The following CTNNA3 variants were observed in gnomAD, a reference collection of about 807,000 sequenced individuals.
CTNNA3 encodes catenin alpha-3.
CTNNA3 carries 76 observed loss-of-function variants against 95.7 expected under a neutral mutation model. The ratio of observed to expected loss-of-function variants is 0.79; its 90% CI spans 0.66 to 0.96. The LOEUF (loss-of-function observed/expected upper bound fraction) is 0.96. CTNNA3 is among the 40% of genes least tolerant of loss of function. CTNNA3 has a pLI of 0.00. For synonymous variants in CTNNA3, 431 were observed against 374.4 expected, an observed-to-expected ratio of 1.15 and a Z score of -1.74; for missense variants, 1,191 against 1,089.8, an observed-to-expected ratio of 1.09 and a Z score of -1.31.
At chr10:65,970,489 T>C (rs563215555) in intron 16 of CTNNA3, among the ~76,000 whole-genome samples, 1 of 152,082 alleles carries the variant, frequency 6.6e-6, no homozygotes, top group Non-Finnish European at 1.5e-5. Context: ...GCAAGTTGGA[T>C]AGAATAACAA....
intron 11 of CTNNA3, among the ~76,000 whole-genome samples, chr10:66,412,334 T>C (rs1295729372): frequency 6.6e-6 from 1 of 151,890 alleles, no homozygotes; most frequent in East Asian, 1.9e-4. Flanking sequence ...AAAAGATCAT[T>C]AAAAATGAAG....
At chr10:66,439,122 G>A (rs1046885078) in intron 11 of CTNNA3, among the ~76,000 whole-genome samples, 5 of 152,184 alleles carry the variant, frequency 3.3e-5, no homozygotes, top group African/African-American at 4.8e-5. Context: ...GCTGAAGACC[G>A]GAGCTGTTCC....
At chr10:66,515,339 C>CTG (rs1800695544) in intron 11 of CTNNA3, among the ~76,000 whole-genome samples, 1 of 143,952 alleles carries the variant, frequency 6.9e-6, no homozygotes, top group African/African-American at 2.6e-5. Context: ...GTCTCTCTCT[C>CTG]TCTCTCTATA....
chr10:66,116,881 C>T (rs921105392), intron 13 of CTNNA3, among the ~76,000 whole-genome samples: 8 of 152,110 alleles, frequency 5.3e-5, no homozygotes, highest in South Asian at 2.1e-4. Context: ...CTGGTGAGAA[C>T]TCATTCACTA....
At chr10:66,434,295 T>G (rs1478794547) in intron 11 of CTNNA3, among the ~76,000 whole-genome samples, 1 of 152,156 alleles carries the variant, frequency 6.6e-6, no homozygotes, top group African/African-American at 2.4e-5. Flanking sequence ...GATTTTCTGT[T>G]TGTTTGTGTT....
At chr10:66,666,009 C>T (rs1303951313) in intron 9 of CTNNA3, among the ~76,000 whole-genome samples, 1 of 152,104 alleles carries the variant, frequency 6.6e-6, no homozygotes, top group African/African-American at 2.4e-5. Flanking sequence ...GTCACAGAAT[C>T]TTAGCTTTCT....
At chr10:66,610,779 T>C (rs1388408903) in intron 10 of CTNNA3, among the ~76,000 whole-genome samples, 2 of 152,122 alleles carry the variant, frequency 1.3e-5, no homozygotes, top group Non-Finnish European at 2.9e-5. Flanking sequence ...ATGCTGGATA[T>C]ATAGCCCCAA....
At chr10:66,669,533 C>T (rs1189082536) in intron 9 of CTNNA3, among the ~76,000 whole-genome samples, 1 of 151,438 alleles carries the variant, frequency 6.6e-6, no homozygotes, top group Non-Finnish European at 1.5e-5. Flanking sequence ...CAGAGCGAGA[C>T]TTTTGTCAAA....
chr10:66,304,699 C>T (rs2132238305), intron 12 of CTNNA3, among the ~76,000 whole-genome samples: 1 of 152,124 alleles, frequency 6.6e-6, no homozygotes, highest in South Asian at 2.1e-4. Context: ...CCGCCCACAC[C>T]ACTCACATAT....
At chr10:66,242,183 G>A (rs973067012) in intron 13 of CTNNA3, among the ~76,000 whole-genome samples, 25 of 151,936 alleles carry the variant, frequency 1.6e-4, no homozygotes, top group Admixed American at 6.6e-4. Flanking sequence ...CTTTGACCTT[G>A]GACTTAGCCT....
chr10:67,722,293 CA>C (rs1841183653), intron 1 of CTNNA3, among the ~76,000 whole-genome samples: 1 of 152,208 alleles, frequency 6.6e-6, no homozygotes, highest in Admixed American at 6.5e-5. Context: ...AGAGACAGAT[CA>C]AAGGGGTTAG....
chr10:67,445,607 G>A (rs748845986), intron 5 of CTNNA3, among the ~76,000 whole-genome samples: 5 of 152,066 alleles, frequency 3.3e-5, no homozygotes, highest in Admixed American at 6.6e-5. Context: ...CTGTTGTACC[G>A]GGGATTAGAT....
At chr10:66,409,755 ATAGT>A (rs1324875602) in intron 11 of CTNNA3, among the ~76,000 whole-genome samples, 1 of 152,220 alleles carries the variant, frequency 6.6e-6, no homozygotes, top group East Asian at 1.9e-4. Context: ...TATAGTTTTA[ATAGT>A]TAGGTCAACA....
intron 10 of CTNNA3, among the ~76,000 whole-genome samples, chr10:66,610,959 G>C (rs1280543771): frequency 6.6e-6 from 1 of 152,012 alleles, no homozygotes; most frequent in Non-Finnish European, 1.5e-5. Context: ...ACATACAATG[G>C]AATATTATTC....
intron 15 of CTNNA3, among the ~76,000 whole-genome samples, chr10:66,047,577 A>G (rs563948363): frequency 9.0e-4 from 137 of 152,200 alleles, no homozygotes; most frequent in African/African-American, 3.1e-3. Context: ...CACAAGACAA[A>G]TATGCCCTCT....
intron 7 of CTNNA3, among the ~76,000 whole-genome samples, chr10:66,801,288 G>T (rs1841420668): frequency 6.6e-6 from 1 of 151,110 alleles, no homozygotes; most frequent in Non-Finnish European, 1.5e-5. Flanking sequence ...CAGATCACAG[G>T]CTACAAGTTC....
intron 5 of CTNNA3, among the ~76,000 whole-genome samples, chr10:67,231,654 A>G (rs1205613593): frequency 2.7e-5 from 4 of 148,600 alleles, no homozygotes; most frequent in Non-Finnish European, 5.9e-5. Flanking sequence ...CCTCACCAGC[A>G]ACAGAACAAA....
intron 5 of CTNNA3, among the ~76,000 whole-genome samples, chr10:67,484,623 C>A (rs1257542392): frequency 6.6e-6 from 1 of 151,886 alleles, no homozygotes; most frequent in Non-Finnish European, 1.5e-5. Flanking sequence ...CCAAATAACC[C>A]CATTAAAAAG....
At chr10:66,701,884 T>C (rs1847954622) in intron 9 of CTNNA3, among the ~76,000 whole-genome samples, 1 of 152,172 alleles carries the variant, frequency 6.6e-6, no homozygotes, top group Admixed American at 6.5e-5. Flanking sequence ...ATGTTTTATA[T>C]GCACCTTATA....
Sources: gnomAD v4.1 joint callset for allele counts (sites outside exome capture counted in the v4.1 genomes callset) on GRCh38, gnomAD v4.1.1 for gene constraint, MANE v1.5 for transcripts, NCBI Gene and HGNC (gene_info 2026-07-23, HGNC 2026-07-21) for gene names.